The following GRM1 variants were observed in gnomAD, a reference collection of about 807,000 sequenced individuals.
GRM1 encodes metabotropic glutamate receptor 1.
A neutral mutation model predicts 90.9 loss-of-function variants in GRM1; 33 were observed. The ratio of observed to expected loss-of-function variants is 0.36; its 90% CI spans 0.28 to 0.49. The LOEUF (loss-of-function observed/expected upper bound fraction) is 0.49. Among genes scored for constraint, GRM1 ranks in the 20% least tolerant of loss-of-function variants. The pLI, the probability that GRM1 is intolerant of heterozygous loss-of-function variation, is 0.99. For missense variants in GRM1, 1,190 were observed against 1,534.3 expected (o/e 0.78, Z 3.75); for synonymous variants, 700 against 613.2 (o/e 1.14, Z -2.09).
chr6:146,367,849 G>C (rs1775751169), intron 5 of GRM1, among the ~76,000 whole-genome samples: 1 of 151,986 alleles, frequency 6.6e-6, no homozygotes, highest in South Asian at 2.1e-4. Context: ...CTGTGTTTTT[G>C]CTGTTGTGAA....
At chr6:146,125,051 G>A (rs1283208620) in intron 1 of GRM1, among the ~76,000 whole-genome samples, 6 of 152,064 alleles carry the variant, frequency 3.9e-5, no homozygotes, top group Admixed American at 3.3e-4. Context: ...GGTGTTACTT[G>A]TTGTCACTCC....
intron 3 of GRM1, among the ~76,000 whole-genome samples, chr6:146,348,875 C>T (rs1271909018): frequency 2.0e-5 from 3 of 152,170 alleles, no homozygotes; most frequent in South Asian, 2.1e-4. Flanking sequence ...CCCTGCATTG[C>T]CACTAAGTGT....
chr6:146,263,282 A>C (rs1781763992), intron 2 of GRM1, among the ~76,000 whole-genome samples: 1 of 151,994 alleles, frequency 6.6e-6, no homozygotes, highest in African/African-American at 2.4e-5. Context: ...ACAATTTTTC[A>C]TGATGTGAGG....
intron 2 of GRM1, among the ~76,000 whole-genome samples, chr6:146,229,160 T>G (rs73575031): frequency 6.6e-6 from 1 of 151,746 alleles, no homozygotes; most frequent in African/African-American, 2.4e-5. Flanking sequence ...CACTAATGTA[T>G]AGAGTTAGGG....
At chr6:146,132,670 C>T (rs1024096171) in intron 1 of GRM1, among the ~76,000 whole-genome samples, 14 of 152,258 alleles carry the variant, frequency 9.2e-5, no homozygotes, top group Admixed American at 9.2e-4. Context: ...GTTTTGATGA[C>T]CTTATTTCCT....
intron 1 of GRM1, among the ~76,000 whole-genome samples, chr6:146,086,907 A>G (rs116059987): frequency 1.4e-3 from 211 of 152,256 alleles, no homozygotes; most frequent in African/African-American, 4.9e-3. Context: ...AAATGGCAGC[A>G]TAAAGATACT....
At position 146,140,138 on chromosome 6, in the gene GRM1, T is replaced by TTTCTTTCC. The variant is rs1415545136; in HGVS notation, c.701-19207_701-19206insTTTCCTTC. On this transcript the variant is annotated intron_variant, in intron 1 of 7. Coordinates refer to ENST00000282753, the MANE Select transcript of GRM1 (RefSeq NM_001278064.2). ...CTTTCTTTCTTTCTTTCTTTCTTTCTTTCCTTCCTTCCTTCTTTCTCCTTC... is the reference window on the plus strand; with the variant it reads ...CTTTCTTTCTTTCTTTCTTTCTTTCTTTCTTTCCTTCCTTCCTTCCTTCTTTCTCCTTC... Among the ~76,000 whole-genome samples the TTTCTTTCC allele has an allele frequency of 2.4e-3, 309 of 128,270 alleles. 2 individuals carry two copies. The highest frequency in any genetic ancestry group is 6.0e-3 in the Admixed American group (70 of 11,656). 84.2% of individuals were successfully genotyped at this position (128,270 alleles called of 152,430 possible).
intron 7 of GRM1, among the ~76,000 whole-genome samples, chr6:146,415,469 C>T (rs932562096): frequency 6.6e-6 from 1 of 152,146 alleles, no homozygotes; most frequent in Non-Finnish European, 1.5e-5. Flanking sequence ...GAAAATATTG[C>T]CTTCCCTCAT....
chr6:146,433,744 T>G (rs780894714), intron 7 of GRM1, 128 bp from the exon 8 acceptor site: 3 of 728,300 alleles, frequency 4.1e-6, no homozygotes, highest in Non-Finnish European at 7.3e-6. Flanking sequence ...TATGGGGTGC[T>G]GGAGCAAAGG....
At chr6:146,378,705 T>C (rs1217082662) in intron 5 of GRM1, among the ~76,000 whole-genome samples, 1 of 152,198 alleles carries the variant, frequency 6.6e-6, no homozygotes, top group African/African-American at 2.4e-5. Flanking sequence ...GATGAGACTT[T>C]GGAGTGTGGA....
At chr6:146,148,074 A>G (rs1005533031) in intron 1 of GRM1, among the ~76,000 whole-genome samples, 1 of 152,152 alleles carries the variant, frequency 6.6e-6, no homozygotes. Flanking sequence ...TCACTACAAC[A>G]TTAGTATTTC....
At chr6:146,375,102 A>C (rs1776046655) in intron 5 of GRM1, among the ~76,000 whole-genome samples, 1 of 151,802 alleles carries the variant, frequency 6.6e-6, no homozygotes, top group South Asian at 2.1e-4. Context: ...TAAATTTTTC[A>C]ATTTCCTTGT....
intron 2 of GRM1, among the ~76,000 whole-genome samples, chr6:146,164,815 A>G (rs1777851038): frequency 6.6e-6 from 1 of 152,078 alleles, no homozygotes; most frequent in Non-Finnish European, 1.5e-5. Context: ...TCATCTTGGA[A>G]AGCCTTTACT....
chr6:146,348,501 T>A (rs1785260594), intron 3 of GRM1, among the ~76,000 whole-genome samples: 1 of 152,164 alleles, frequency 6.6e-6, no homozygotes, highest in African/African-American at 2.4e-5. Context: ...CCCTCCTGGG[T>A]GTACAGAGCC....
intron 3 of GRM1, among the ~76,000 whole-genome samples, chr6:146,342,480 G>A (rs1785019258): frequency 6.6e-6 from 1 of 152,194 alleles, no homozygotes; most frequent in African/African-American, 2.4e-5. Context: ...AGAGACAGAA[G>A]TATCTTGTAC....
chr6:146,381,150 C>G (rs1349590237), intron 5 of GRM1, among the ~76,000 whole-genome samples: 1 of 152,162 alleles, frequency 6.6e-6, no homozygotes, highest in Admixed American at 6.5e-5. Context: ...ATGTTATCTG[C>G]CCCCACCAGT....
chr6:146,278,855 G>C (rs1457642637), intron 2 of GRM1, among the ~76,000 whole-genome samples: 2 of 152,078 alleles, frequency 1.3e-5, no homozygotes, highest in African/African-American at 2.4e-5. Context: ...TATAGAGCTA[G>C]AGGTTACGCC....
At position 146,399,964 on chromosome 6, in the gene GRM1, T is replaced by C. The variant is rs1777098953; in HGVS notation, c.2660+265T>C. Among the ~76,000 whole-genome samples the C allele has an allele frequency of 6.6e-6, 1 of 152,226 alleles. No homozygotes were observed. The highest frequency in any genetic ancestry group is 1.9e-4 in the East Asian group (1 of 5,198). On this transcript the variant is annotated intron_variant, in intron 7 of 7. Transcript: ENST00000282753. This position sits in a 1 kb window ranked among gnomAD's most constrained non-coding sequence, Gnocchi z 5.4. ...AAAAGGAGCAGGAAACAATCTTTAT[T>C]CTTGCCTAGAAGCGGAAGCTTCGGT...
At chr6:146,044,585 A>C (rs1791251656) in intron 1 of GRM1, among the ~76,000 whole-genome samples, 1 of 152,004 alleles carries the variant, frequency 6.6e-6, no homozygotes, top group South Asian at 2.1e-4. Context: ...ATTCAATCAC[A>C]GAGAATAGAG....
Sources: gnomAD v4.1 joint callset for allele counts (sites outside exome capture counted in the v4.1 genomes callset) on GRCh38, gnomAD v4.1.1 for gene constraint, Gnocchi (gnomAD v3.1) non-coding constraint, MANE v1.5 for transcripts, NCBI Gene and HGNC (gene_info 2026-07-23, HGNC 2026-07-21) for gene names.